Variants in CREB3L2 observed in about 807,000 individuals in gnomAD.
The protein encoded by CREB3L2 is cyclic AMP-responsive element-binding protein 3-like protein 2.
CREB3L2 carries 23 observed loss-of-function variants against 57.2 expected under a neutral mutation model. The observed-to-expected ratio is 0.40, with a 90% CI of 0.29 to 0.57. CREB3L2 has a LOEUF of 0.57. CREB3L2 is among the 20% of genes least tolerant of loss of function. The probability of loss-of-function intolerance (pLI) is 0.42; values close to 1 mark genes in which losing one functional copy is unlikely to be tolerated. For synonymous variants in CREB3L2, 268 were observed against 265.1 expected, an observed-to-expected ratio of 1.01 and a Z score of -0.11; for missense variants, 628 against 634.7, an observed-to-expected ratio of 0.99 and a Z score of 0.11.
intron 5 of CREB3L2, among the ~76,000 whole-genome samples, chr7:137,906,487 G>C (rs1359125245): frequency 6.6e-6 from 1 of 152,162 alleles, no homozygotes; most frequent in Non-Finnish European, 1.5e-5. Flanking sequence ...TTGCATTTTA[G>C]CTCCATACTA....
intron 10 of CREB3L2, chr7:137,884,249 C>CTTTTTT (rs113133425): frequency 9.0e-6 from 1 of 110,720 alleles, no homozygotes; most frequent in Non-Finnish European, 1.9e-5. Flanking sequence ...CTTGCTGATT[C>CTTTTTT]TTTTTTTTTT....
At chr7:137,901,753 C>A (rs1799762951) in intron 7 of CREB3L2, among the ~76,000 whole-genome samples, 1 of 151,062 alleles carries the variant, frequency 6.6e-6, no homozygotes, top group Non-Finnish European at 1.5e-5. Flanking sequence ...GTGGCACGTG[C>A]CTGTAATCCC....
rs1799139571 is a variant in CREB3L2 at position 137,875,912 on chromosome 7, A to G, written c.*4564T>C. 1 of 226,096 alleles carries G rather than the reference A, an allele frequency of 4.4e-6. No homozygotes were observed. Among genetic ancestry groups the G allele is most frequent in the South Asian group, 1.8e-4 (1 of 5,456 alleles). The allele number at this position is 226,096 out of a possible 1,614,324, so 14.0% of individuals were successfully genotyped here. A position where few individuals can be genotyped will look rare whatever the true frequency, so the allele number is the denominator to read the frequency against. On this transcript the variant is annotated 3_prime_UTR_variant, in exon 12 of 12. Transcript: ENST00000330387. The stretch of plus-strand genomic sequence containing the variant: ...TTTATGTTGTCCAAAATAACAAAAC[A>G]AAACAACACCTAGTTTTTTCCTGTG...
intron 2 of CREB3L2, among the ~76,000 whole-genome samples, chr7:137,919,487 A>C (rs1800223461): frequency 6.6e-6 from 1 of 152,212 alleles, no homozygotes. Context: ...TTTCTAGATG[A>C]GGAAAATGAC....
chr7:137,977,698 AT>A (rs1801632901), intron 1 of CREB3L2, among the ~76,000 whole-genome samples: 1 of 152,162 alleles, frequency 6.6e-6, no homozygotes, highest in Non-Finnish European at 1.5e-5. Context: ...AGGTGGGCGG[AT>A]CACTTGAAGT....
intron 1 of CREB3L2, among the ~76,000 whole-genome samples, chr7:137,947,054 G>T (rs1801010315): frequency 7.2e-6 from 1 of 138,658 alleles, no homozygotes; most frequent in Non-Finnish European, 1.5e-5. Flanking sequence ...ACTGAACTGA[G>T]TCCCACCGAA....
chr7:137,885,509 A>G lies in CREB3L2; in HGVS notation c.1044-7T>C. The G allele has an allele frequency of 2.5e-6, 4 of 1,608,876 alleles. No homozygotes were observed. Among genetic ancestry groups the G allele is most frequent in the Middle Eastern group, 1.7e-4 (1 of 6,046 alleles). ...GAGTTGCTGAAGGAGAGTCCTGCCA[A>G]TGATAACAACAGCCGTGAGGGGAGT... On this transcript the variant is annotated splice_polypyrimidine_tract_variant and splice_region_variant and intron_variant, in intron 8 of 11. Coordinates refer to ENST00000330387, the MANE Select transcript of CREB3L2 (RefSeq NM_194071.4).
intron 1 of CREB3L2, among the ~76,000 whole-genome samples, chr7:137,938,390 G>A (rs561744305): frequency 6.6e-6 from 1 of 152,248 alleles, no homozygotes; most frequent in African/African-American, 2.4e-5. Flanking sequence ...CTGTCGCCCA[G>A]GCTGGGGTAC....
chr7:137,913,663 C>CT (rs560708145), intron 3 of CREB3L2, among the ~76,000 whole-genome samples: 16 of 148,578 alleles, frequency 1.1e-4, no homozygotes, highest in South Asian at 2.1e-4. Flanking sequence ...TATTCTGGTA[C>CT]TTTTTTTTTT....
intron 2 of CREB3L2, among the ~76,000 whole-genome samples, chr7:137,921,936 A>ATT (rs755563060): frequency 1.1e-4 from 15 of 136,300 alleles, no homozygotes; most frequent in South Asian, 2.3e-4. Context: ...TCACCCAGCT[A>ATT]TTTTTTTTTT....
At chr7:137,888,205 C>A (rs1375467256) in intron 8 of CREB3L2, among the ~76,000 whole-genome samples, 1 of 152,164 alleles carries the variant, frequency 6.6e-6, no homozygotes, top group East Asian at 1.9e-4. Flanking sequence ...CTCAAACGAT[C>A]CTCTCACCTC....
intron 1 of CREB3L2, among the ~76,000 whole-genome samples, chr7:137,967,016 C>A (rs1039413205): frequency 6.6e-6 from 1 of 152,128 alleles, no homozygotes; most frequent in Non-Finnish European, 1.5e-5. Context: ...GGGATTAGTG[C>A]CCTTATAAGA....
At chr7:137,993,014 C>G (rs1801927792) in intron 1 of CREB3L2, among the ~76,000 whole-genome samples, 1 of 152,134 alleles carries the variant, frequency 6.6e-6, no homozygotes, top group Non-Finnish European at 1.5e-5. Flanking sequence ...GAGCATCTGG[C>G]AAACATGTGT....
At chr7:137,896,629 G>A (rs963299876) in intron 8 of CREB3L2, among the ~76,000 whole-genome samples, 1 of 152,170 alleles carries the variant, frequency 6.6e-6, no homozygotes, top group African/African-American at 2.4e-5. Flanking sequence ...GGAGGTCCCC[G>A]CTACAATTAT....
chr7:137,915,617 A>G (rs1361056923), intron 3 of CREB3L2, among the ~76,000 whole-genome samples: 1 of 152,180 alleles, frequency 6.6e-6, no homozygotes, highest in African/African-American at 2.4e-5. Flanking sequence ...AAATCAGCTT[A>G]GCTACTAATT....
At chr7:137,899,189 C>G (rs985580626) in intron 8 of CREB3L2, among the ~76,000 whole-genome samples, 6 of 147,574 alleles carry the variant, frequency 4.1e-5, no homozygotes, top group Non-Finnish European at 5.9e-5. Context: ...CACAGTCCAC[C>G]TGCAGAGGAG....
chr7:137,996,925 A>G (rs556428646), intron 1 of CREB3L2, among the ~76,000 whole-genome samples: 1 of 152,382 alleles, frequency 6.6e-6, no homozygotes, highest in South Asian at 2.1e-4. Flanking sequence ...AAAGGATATA[A>G]TCATGGCGAA....
At chr7:137,949,575 T>C (rs1030091403) in intron 1 of CREB3L2, among the ~76,000 whole-genome samples, 5 of 152,166 alleles carry the variant, frequency 3.3e-5, no homozygotes, top group African/African-American at 1.2e-4. Context: ...CCACACCCCT[T>C]TGACCTGGGT....
chr7:137,912,908 C>G, intron 4 of CREB3L2, 83 bp downstream of exon 4: 1 of 1,579,280 alleles, frequency 6.3e-7, no homozygotes, highest in Non-Finnish European at 8.6e-7. Context: ...ACAAACTCAT[C>G]CCAGCTCTCT....
Sources: allele counts gnomAD v4.1 joint callset (sites outside exome capture counted in the v4.1 genomes callset), GRCh38; gene constraint gnomAD v4.1.1; transcripts MANE v1.5; gene names NCBI Gene and HGNC (gene_info 2026-07-23, HGNC 2026-07-21).